SHISA9: variants seen among roughly 807,000 people sequenced by gnomAD.
The protein encoded by SHISA9 is protein shisa-9.
Under a neutral mutation model 38.0 loss-of-function variants are expected in SHISA9, and 13 were observed. The ratio of observed to expected loss-of-function variants is 0.34; its 90% CI spans 0.22 to 0.54. The LOEUF (loss-of-function observed/expected upper bound fraction) is 0.54, where lower values mean the gene tolerates loss of function less well. Among genes scored for constraint, SHISA9 ranks in the 20% least tolerant of loss-of-function variants. The pLI is 0.91. For missense variants in SHISA9, 538 were observed against 575.8 expected (o/e 0.93, Z 0.67); for synonymous variants, 275 against 242.0 (o/e 1.14, Z -1.27).
chr16:13,185,637 A>G (rs1040295706), intron 2 of SHISA9, among the ~76,000 whole-genome samples: 2 of 152,212 alleles, frequency 1.3e-5, no homozygotes, highest in Non-Finnish European at 2.9e-5. Flanking sequence ...CACATGTGTT[A>G]CAAGGAAATT....
At position 13,028,534 on chromosome 16, in the gene SHISA9, G is replaced by A. The variant is rs576107172; in HGVS notation, c.691+111719G>A. Among the ~76,000 whole-genome samples the A allele has an allele frequency of 3.5e-4, 54 of 152,256 alleles. No homozygotes were observed. In the South Asian group the frequency reaches 7.7e-3, roughly 22 times the overall value. ...ACCCCTTATAAAACCATCAGATCTC[G>A]TGAGACTTATTTCTTACCATGAGAA... On this transcript the variant is annotated intron_variant, in intron 2 of 4. Coordinates refer to ENST00000558583, the MANE Select transcript of SHISA9 (RefSeq NM_001145204.3).
chr16:13,197,120 C>CAT (rs2050952599), intron 2 of SHISA9, among the ~76,000 whole-genome samples: 1 of 150,398 alleles, frequency 6.6e-6, no homozygotes, highest in South Asian at 2.1e-4. Context: ...CACACACACA[C>CAT]ACACACACAC....
chr16:12,920,020 C>A (rs1333061267), intron 2 of SHISA9, among the ~76,000 whole-genome samples: 1 of 152,208 alleles, frequency 6.6e-6, no homozygotes, highest in African/African-American at 2.4e-5. Context: ...CCCCTCTCCC[C>A]CTTTCGGGGT....
At chr16:12,915,986 G>GTTT (rs71147769) in intron 1 of SHISA9, among the ~76,000 whole-genome samples, 10 of 124,376 alleles carry the variant, frequency 8.0e-5, no homozygotes, top group East Asian at 5.2e-4. Flanking sequence ...TGAACACTGA[G>GTTT]TTTTTTTTTT....
the SHISA9 span, among the ~76,000 whole-genome samples, chr16:13,535,851 T>G: frequency 6.6e-6 from 1 of 152,178 alleles, no homozygotes; most frequent in Non-Finnish European, 1.5e-5. Context: ...CCCAGTCTGG[T>G]TCACGGTCTG....
intron 2 of SHISA9, among the ~76,000 whole-genome samples, chr16:13,152,949 C>T (rs2050512488): frequency 6.6e-6 from 1 of 152,176 alleles, no homozygotes; most frequent in Non-Finnish European, 1.5e-5. Context: ...TAATCACAAG[C>T]TTTCTTTAAA....
the SHISA9 span, among the ~76,000 whole-genome samples, chr16:13,349,643 T>C: frequency 6.6e-6 from 1 of 152,214 alleles, no homozygotes; most frequent in African/African-American, 2.4e-5. Flanking sequence ...ATTTTACCAT[T>C]ACTGAAAGCA....
the SHISA9 span, among the ~76,000 whole-genome samples, chr16:13,406,225 A>T: frequency 6.6e-6 from 1 of 152,220 alleles, no homozygotes; most frequent in Non-Finnish European, 1.5e-5. Flanking sequence ...AAACCAAGAC[A>T]TTATGGAGGC....
At chr16:13,496,414 A>G in the SHISA9 span, among the ~76,000 whole-genome samples, 3 of 152,156 alleles carry the variant, frequency 2.0e-5, no homozygotes, top group African/African-American at 4.8e-5. Flanking sequence ...ATTTAGTACA[A>G]CTAGAATAAG....
At chr16:13,448,263 T>G in the SHISA9 span, among the ~76,000 whole-genome samples, 1 of 152,222 alleles carries the variant, frequency 6.6e-6, no homozygotes, top group Admixed American at 6.5e-5. Flanking sequence ...TGGTCTTTTA[T>G]TCCAGTGCAA....
the SHISA9 span, among the ~76,000 whole-genome samples, chr16:13,314,520 A>G: frequency 6.6e-6 from 1 of 152,148 alleles, no homozygotes; most frequent in Non-Finnish European, 1.5e-5. Flanking sequence ...GATTACAGTC[A>G]TGAACCACCA....
intron 2 of SHISA9, among the ~76,000 whole-genome samples, chr16:13,155,410 C>T (rs546507007): frequency 3.9e-5 from 6 of 152,280 alleles, no homozygotes; most frequent in African/African-American, 1.4e-4. Flanking sequence ...GGTCCTACCC[C>T]TCCCCACCTG....
the SHISA9 span, among the ~76,000 whole-genome samples, chr16:13,322,288 C>T: frequency 6.6e-6 from 1 of 152,208 alleles, no homozygotes; most frequent in African/African-American, 2.4e-5. Context: ...ACAGACTGAA[C>T]TTCAAATCTA....
At chr16:13,153,643 C>T (rs1422485452) in intron 2 of SHISA9, among the ~76,000 whole-genome samples, 1 of 152,158 alleles carries the variant, frequency 6.6e-6, no homozygotes, top group Non-Finnish European at 1.5e-5. Context: ...CATCCCAGTA[C>T]AAGCTCCGGC....
At chr16:12,972,414 C>A (rs576871993) in intron 2 of SHISA9, among the ~76,000 whole-genome samples, 13 of 152,082 alleles carry the variant, frequency 8.5e-5, no homozygotes, top group African/African-American at 3.1e-4. Context: ...TCACCCACAC[C>A]TCCGTATATC....
intron 2 of SHISA9, among the ~76,000 whole-genome samples, chr16:12,960,328 T>A (rs1596550973): frequency 6.6e-6 from 1 of 152,192 alleles, no homozygotes; most frequent in Non-Finnish European, 1.5e-5. Flanking sequence ...ATGTGCAGGA[T>A]GTGCAGGTTT....
At chr16:13,114,507 C>G (rs1355381626) in intron 2 of SHISA9, among the ~76,000 whole-genome samples, 2 of 142,460 alleles carry the variant, frequency 1.4e-5, no homozygotes, top group Non-Finnish European at 3.1e-5. Context: ...ATACGAAGAA[C>G]TAGGTAACAA....
chr16:12,928,474 T>G (rs1428874471), intron 2 of SHISA9, among the ~76,000 whole-genome samples: 2 of 152,214 alleles, frequency 1.3e-5, no homozygotes, highest in Non-Finnish European at 2.9e-5. Flanking sequence ...TAATACTGTT[T>G]TAAAAATAGT....
chr16:13,025,876 G>A (rs1167380679), intron 2 of SHISA9, among the ~76,000 whole-genome samples: 3 of 151,996 alleles, frequency 2.0e-5, no homozygotes, highest in Admixed American at 6.6e-5. Context: ...TGTGATCCTG[G>A]CTCACTGCAA....
Sources: gnomAD v4.1 joint callset for allele counts (sites outside exome capture counted in the v4.1 genomes callset) on GRCh38, gnomAD v4.1.1 for gene constraint, MANE v1.5 for transcripts, NCBI Gene and HGNC (gene_info 2026-07-23, HGNC 2026-07-21) for gene names.